The following FHL2 variants were observed in gnomAD, a reference collection of about 807,000 sequenced individuals.
The protein encoded by FHL2 is four and a half LIM domains 2.
Under a neutral mutation model 32.7 loss-of-function variants are expected in FHL2, and 20 were observed. The observed-to-expected ratio is 0.61, with a 90% confidence interval of 0.43 to 0.89. FHL2 has a LOEUF of 0.89. Among genes scored for constraint, FHL2 ranks in the 40% least tolerant of loss-of-function variants. The pLI is 0.00. For missense variants in FHL2, 311 were observed against 358.6 expected (o/e 0.87, Z 1.07); for synonymous variants, 123 against 128.1 (o/e 0.96, Z 0.27).
intron 1 of FHL2, among the ~76,000 whole-genome samples, chr2:105,421,610 T>C (rs1216844341): frequency 6.6e-6 from 1 of 152,232 alleles, no homozygotes; most frequent in African/African-American, 2.4e-5. Context: ...AATTAAATAC[T>C]GTCTGCAGTT....
At chr2:105,399,795 G>C (rs1240117508), upstream of FHL2, 2 of 578,444 alleles carry the variant, frequency 3.5e-6, no homozygotes, top group African/African-American at 3.8e-5. Context: ...CCCTGGGAGA[G>C]GGTGCGTCGT....
At chr2:105,386,692 A>G (rs1448642136) in intron 2 of FHL2, among the ~76,000 whole-genome samples, 152 bp from the exon 3 acceptor site, 1 of 151,238 alleles carries the variant, frequency 6.6e-6, no homozygotes, top group Non-Finnish European at 1.5e-5. Context: ...TTAATCGGTC[A>G]TAATTTTTAA....
intron 3 of FHL2, among the ~76,000 whole-genome samples, chr2:105,384,314 CAAAG>C (rs1279702153): frequency 2.6e-5 from 4 of 152,152 alleles, no homozygotes; most frequent in South Asian, 2.1e-4. Flanking sequence ...TGAAAAGCGA[CAAAG>C]AGAGAGGGTG....
At chr2:105,401,011 C>T (rs979242612), upstream of FHL2, among the ~76,000 whole-genome samples, 2 of 146,990 alleles carry the variant, frequency 1.4e-5, no homozygotes, top group Non-Finnish European at 3.0e-5. Context: ...GAGACAGAAC[C>T]AAGAGATTAA....
chr2:105,381,504 C>T (rs1681884474), intron 3 of FHL2, among the ~76,000 whole-genome samples: 2 of 152,096 alleles, frequency 1.3e-5, no homozygotes, highest in Non-Finnish European at 2.9e-5. Context: ...AGCCTCGGTG[C>T]ATGCGAGGTC....
chr2:105,428,663 C>T (rs11893160), intron 1 of FHL2, among the ~76,000 whole-genome samples: 5,693 of 152,312 alleles, frequency 0.037, 167 homozygotes, highest in East Asian at 0.14. Flanking sequence ...AGGCTGGTTC[C>T]TGGAGCTTCT....
intron 1 of FHL2, among the ~76,000 whole-genome samples, chr2:105,425,618 T>C (rs1402462979): frequency 6.6e-6 from 1 of 151,958 alleles, no homozygotes; most frequent in Non-Finnish European, 1.5e-5. Context: ...AACTCTGAGA[T>C]AGGAGAAAAG....
At position 105,436,777 on chromosome 2, in the gene FHL2, T is replaced by C. The variant is rs189461501; in HGVS notation, c.-25+1622A>G. On this transcript the variant is annotated intron_variant, in intron 1 of 5. Coordinates refer to the FHL2 transcript ENST00000393352. ...GTTATCTTTGAGTAGTAAGACTATATATGATTTTCCATTTTCTTCTTTTTG... is the reference window on the plus strand; with the variant it reads ...GTTATCTTTGAGTAGTAAGACTATACATGATTTTCCATTTTCTTCTTTTTG... Among the ~76,000 whole-genome samples, 287 of 152,332 alleles carry C rather than the reference T, an allele frequency of 1.9e-3. 4 individuals are homozygous for C. Among genetic ancestry groups the C allele is most frequent in the Non-Finnish European group, 8.4e-4 (57 of 68,024 alleles).
At chr2:105,428,766 C>T (rs1684337132) in intron 1 of FHL2, among the ~76,000 whole-genome samples, 1 of 152,228 alleles carries the variant, frequency 6.6e-6, no homozygotes, top group East Asian at 1.9e-4. Context: ...TAGGCCGCCT[C>T]AGCTCTTCCT....
chr2:105,359,265 T>A (rs909796903), downstream of FHL2: 20 of 152,194 alleles, frequency 1.3e-4, no homozygotes, highest in Admixed American at 2.6e-4. Flanking sequence ...GAGGAACAAG[T>A]AAGATGTTCC....
intron 2 of FHL2, among the ~76,000 whole-genome samples, chr2:105,388,290 C>T (rs533590484): frequency 2.6e-5 from 4 of 152,038 alleles, no homozygotes; most frequent in South Asian, 2.1e-4. Flanking sequence ...TCTCCATGCC[C>T]GGCACACTGC....
At chr2:105,363,876 G>A (rs1680454822) in intron 5 of FHL2, among the ~76,000 whole-genome samples, 1 of 152,204 alleles carries the variant, frequency 6.6e-6, no homozygotes, top group South Asian at 2.1e-4. Flanking sequence ...GCTGGGAGCA[G>A]GTCATGATAA....
At chr2:105,362,567 C>T (rs1440918137) in intron 6 of FHL2, among the ~76,000 whole-genome samples, 2 of 152,216 alleles carry the variant, frequency 1.3e-5, no homozygotes, top group African/African-American at 2.4e-5. Flanking sequence ...CTGAATGCAA[C>T]GGGATTGCAA....
intron 1 of FHL2, among the ~76,000 whole-genome samples, chr2:105,426,031 G>A (rs1411185872): frequency 6.6e-6 from 1 of 152,140 alleles, no homozygotes; most frequent in Admixed American, 6.5e-5. Flanking sequence ...ATACCCACAG[G>A]TGTGGAGGGG....
intron 1 of FHL2, among the ~76,000 whole-genome samples, chr2:105,427,512 G>T (rs1244032435): frequency 6.6e-6 from 1 of 152,310 alleles, no homozygotes; most frequent in South Asian, 2.1e-4. Flanking sequence ...CAAAAGAAAA[G>T]TGAGCTCCGG....
At chr2:105,399,154 G>A, upstream of FHL2, 2 of 1,364,926 alleles carry the variant, frequency 1.5e-6, no homozygotes, top group East Asian at 3.1e-5. Context: ...GGGGCGCGGG[G>A]GGCGGGCGCC....
intron 1 of FHL2, among the ~76,000 whole-genome samples, chr2:105,431,181 A>C (rs1232318617): frequency 6.6e-6 from 1 of 152,232 alleles, no homozygotes; most frequent in Non-Finnish European, 1.5e-5. Flanking sequence ...ATGAAAATAG[A>C]TTATTCACAA....
rs869296350 is a variant in FHL2, at chr2:105,397,886, TTG to T, written c.-76+954_-76+955del. ...CAAATGGTTTTTGTTTTTTTGTTTT[TTG>T]TTTTTTTTTGTCTAAAACATCTTCA... is the stretch of plus-strand genomic sequence containing the variant. On this transcript the variant is annotated intron_variant, in intron 1 of 6. Transcript: ENST00000530340. Among the ~76,000 whole-genome samples the T allele has an allele frequency of 8.8e-3, 608 of 69,358 alleles. 9 individuals are homozygous for T. The highest frequency in any genetic ancestry group is 0.025 in the African/African-American group (538 of 21,802). 45.5% of individuals were successfully genotyped at this position (69,358 alleles called of 152,430 possible). A position where few individuals can be genotyped will look rare whatever the true frequency, so the allele number is the denominator to read the frequency against.
Position 105,398,862 on chromosome 2 carries a change from C to T in FHL2, c.-96G>A. On this transcript the variant is annotated 5_prime_UTR_variant, in exon 1 of 7. Transcript: ENST00000530340. ...CTCACCAGTCTCCCCAACTCCGGCT[C>T]TGCTCCCCTCTCCTTGGGTCTCGCA... 1 of 1,475,788 alleles carries T rather than the reference C, an allele frequency of 6.8e-7. No individual in the cohort carries two copies. Among genetic ancestry groups the T allele is most frequent in the South Asian group, 1.4e-5 (1 of 68,978 alleles). The allele number at this position is 1,475,788 out of a possible 1,614,324, so 91.4% of individuals were successfully genotyped here. A position where few individuals can be genotyped will look rare whatever the true frequency, so the allele number is the denominator to read the frequency against.
Sources: gnomAD v4.1 joint callset for allele counts (sites outside exome capture counted in the v4.1 genomes callset) on GRCh38, gnomAD v4.1.1 for gene constraint, MANE v1.5 for transcripts, NCBI Gene and HGNC (gene_info 2026-07-23, HGNC 2026-07-21) for gene names.